The following JCHAIN variants were observed in gnomAD, a reference collection of about 807,000 sequenced individuals.
JCHAIN encodes joining chain of multimeric IgA and IgM.
In JCHAIN, 5 loss-of-function variants were observed where a neutral mutation model predicts 11.1. The ratio of observed to expected loss-of-function variants is 0.45; its 90% CI spans 0.24 to 0.95. The LOEUF (loss-of-function observed/expected upper bound fraction) is 0.95, where lower values mean the gene tolerates loss of function less well. JCHAIN is among the 40% of genes least tolerant of loss of function. JCHAIN has a pLI of 0.21. For missense variants in JCHAIN, 165 were observed against 192.7 expected (o/e 0.86, Z 0.85); for synonymous variants, 51 against 67.8 (o/e 0.75, Z 1.22).
intron 1 of JCHAIN, among the ~76,000 whole-genome samples, chr4:70,664,544 T>C (rs1356150592): frequency 2.6e-5 from 4 of 152,208 alleles, no homozygotes; most frequent in Non-Finnish European, 4.4e-5. Flanking sequence ...TTATAATGCA[T>C]TATTATACCA....
Position 70,657,429 on chromosome 4 carries a change from C to T in JCHAIN, c.189-138G>A, listed in dbSNP as rs188429495. ...CTCTATAAGCACTCTAGAGTAATACCGTTACTCAGATTTTTATAGTAACTT... is the reference window on the plus strand; with the variant it reads ...CTCTATAAGCACTCTAGAGTAATACTGTTACTCAGATTTTTATAGTAACTT... On this transcript the variant is annotated intron_variant, in intron 2 of 3. Transcript: ENST00000254801. 1.3e-3 allele frequency: 504 copies of T among 397,520 alleles called. 4 individuals carry two copies. The highest frequency in any genetic ancestry group is 9.1e-3 in the African/African-American group (443 of 48,778). The allele number at this position is 397,520 out of a possible 1,614,324, so 24.6% of individuals were successfully genotyped here.
chr4:70,659,577 A>AAAAAAAAAAAAC (rs1739016526), intron 2 of JCHAIN, among the ~76,000 whole-genome samples: 1 of 145,708 alleles, frequency 6.9e-6, no homozygotes, highest in African/African-American at 2.6e-5. Flanking sequence ...AAAAAAAAAA[A>AAAAAAAAAAAAC]AAAGCCAGGC....
At chr4:70,656,581 T>A (rs1738954713) in intron 3 of JCHAIN, 42 bp from the exon 4 acceptor site, 1 of 1,430,128 alleles carries the variant, frequency 7.0e-7, no homozygotes. Context: ...CCTCAAATGC[T>A]GTCTCAAAAT....
At chr4:70,657,338 A>T in intron 2 of JCHAIN, 47 bp from the exon 3 acceptor site, 1 of 1,230,656 alleles carries the variant, frequency 8.1e-7, no homozygotes, top group Non-Finnish European at 1.2e-6. Flanking sequence ...AAATGCAGAT[A>T]TTGTTATTTT....
At chr4:70,657,099 T>C in intron 3 of JCHAIN, 112 bp downstream of exon 3, 1 of 540,528 alleles carries the variant, frequency 1.9e-6, no homozygotes, top group South Asian at 3.2e-5. Flanking sequence ...CAGATTATGT[T>C]TGTAAATGTT....
At chr4:70,660,504 C>T (rs985154773) in intron 2 of JCHAIN, among the ~76,000 whole-genome samples, 53 of 151,910 alleles carry the variant, frequency 3.5e-4, no homozygotes, top group African/African-American at 1.2e-3. Flanking sequence ...CTGCTTCAGC[C>T]TCCCGAGTAG....
chr4:70,664,353 T>C (rs1739113408), intron 1 of JCHAIN, among the ~76,000 whole-genome samples: 1 of 152,004 alleles, frequency 6.6e-6, no homozygotes, highest in East Asian at 1.9e-4. Flanking sequence ...ACATTTAGTA[T>C]ACGAATTCAA....
rs538142804 is a variant in JCHAIN at position 70,663,382 on chromosome 4, G to C, written c.65-1167C>G. The C allele has an allele frequency of 2.0e-5, 3 of 151,972 alleles. No homozygotes were observed. The South Asian group carries it at 6.2e-4, about 32-fold the overall frequency. The allele number at this position is 151,972 out of a possible 1,614,324, so 9.4% of individuals were successfully genotyped here. A position where few individuals can be genotyped will look rare whatever the true frequency, so the allele number is the denominator to read the frequency against. On this transcript the variant is annotated intron_variant, in intron 1 of 3. Transcript: ENST00000254801. Reference sequence around the variant, plus strand: ...GATCTTTGTATTTTTTTTTAGCAGAGATGGAGTTTCACCATGTTGCCCAGG... The same window carrying C: ...GATCTTTGTATTTTTTTTTAGCAGACATGGAGTTTCACCATGTTGCCCAGG...
chr4:70,656,872 T>TA (rs536648909), intron 3 of JCHAIN, among the ~76,000 whole-genome samples: 84 of 152,270 alleles, frequency 5.5e-4, no homozygotes, highest in African/African-American at 1.8e-3. Context: ...GGAGAATTTT[T>TA]AAAAAAATTG....
At chr4:70,665,873 A>G in intron 1 of JCHAIN, 1 of 340,814 alleles carries the variant, frequency 2.9e-6, no homozygotes, top group South Asian at 2.3e-5. Flanking sequence ...TAAATTCAGA[A>G]TGTATTCCAT....
chr4:70,656,985 AT>A (rs1738962190), intron 3 of JCHAIN, among the ~76,000 whole-genome samples: 1 of 152,118 alleles, frequency 6.6e-6, no homozygotes. Flanking sequence ...AATGCCAATG[AT>A]TTTTTCTTTA....
chr4:70,657,781 G>A (rs1738976914), intron 2 of JCHAIN, among the ~76,000 whole-genome samples: 1 of 152,118 alleles, frequency 6.6e-6, no homozygotes, highest in South Asian at 2.1e-4. Context: ...TATGGAATAT[G>A]TTCAATATAT....
intron 2 of JCHAIN, among the ~76,000 whole-genome samples, chr4:70,660,895 T>A (rs1201979678): frequency 6.6e-6 from 1 of 152,210 alleles, no homozygotes; most frequent in African/African-American, 2.4e-5. Context: ...TTTTTTAATA[T>A]GTCCCAGAAA....
At chr4:70,656,787 C>T (rs899144512) in intron 3 of JCHAIN, among the ~76,000 whole-genome samples, 3 of 152,124 alleles carry the variant, frequency 2.0e-5, no homozygotes, top group Admixed American at 6.5e-5. Flanking sequence ...CTACACCATA[C>T]AGCAATTTCT....
rs1739155839 is a variant in JCHAIN at position 70,666,440 on chromosome 4, A to T, written c.51T>A (p.Ala17=). ...AATATCACATACCTTTCACATGAAC[A>T]GCCTTAATAAAAACCGCCAGGACTC... is the stretch of plus-strand genomic sequence containing the variant. ...FWGVLAVFIK[A]VHVKAQEDER... The change falls in exon 1 of 4, where the codon GCT becomes GCA. Residue 17 remains alanine, a synonymous_variant. Transcript: ENST00000254801. 6.2e-7 allele frequency: 1 copy of T among 1,609,846 alleles called. No individual in the cohort carries two copies.
intron 2 of JCHAIN, among the ~76,000 whole-genome samples, chr4:70,658,059 C>T (rs369565500): frequency 8.5e-5 from 13 of 152,148 alleles, no homozygotes; most frequent in African/African-American, 3.1e-4. Context: ...TGTTTCCTAA[C>T]TCAGTATTTA....
chr4:70,659,002 G>A (rs912648037), intron 2 of JCHAIN, among the ~76,000 whole-genome samples: 113 of 152,086 alleles, frequency 7.4e-4, no homozygotes, highest in Admixed American at 6.4e-3. Context: ...ATAAACATTC[G>A]TTGAATGAAT....
rs1738950380 is a variant in JCHAIN, at chr4:70,656,334, C to A, written c.475G>T (p.Asp159Tyr). The A allele has an allele frequency of 6.2e-7, 1 of 1,611,348 alleles. No individual in the cohort carries two copies. Among genetic ancestry groups the A allele is most frequent in the Non-Finnish European group, 8.5e-7 (1 of 1,177,870 alleles). ...GCAGTCAGCAATGACTTAAATTAGT[C>A]AGGATAGCAGGCATCTGGGGTTAAG... ...TALTPDACYP[D>Y] The change falls in exon 4 of 4, where the codon GAC becomes TAC. Residue 159 changes from aspartate to tyrosine, a missense_variant. Physicochemically the swap from Asp to Tyr is radical, Grantham distance 160. Coordinates refer to ENST00000254801, the MANE Select transcript of JCHAIN (RefSeq NM_144646.4).
chr4:70,656,272 G>A lies in JCHAIN; in HGVS notation c.*57C>T. The A allele has an allele frequency of 8.4e-7, 1 of 1,192,544 alleles. No individual in the cohort carries two copies. The highest frequency in any genetic ancestry group is 1.2e-6 in the Non-Finnish European group (1 of 816,712). 73.9% of individuals were successfully genotyped at this position (1,192,544 alleles called of 1,614,324 possible). ...TTGGTAATAAATATGCTAACTTTCT[G>A]AATCAAAATGGAGAGCCTCTCAAGA... On this transcript the variant is annotated 3_prime_UTR_variant, in exon 4 of 4. Coordinates refer to ENST00000254801, the MANE Select transcript of JCHAIN (RefSeq NM_144646.4).
Sources: allele counts gnomAD v4.1 joint callset (sites outside exome capture counted in the v4.1 genomes callset), GRCh38; gene constraint gnomAD v4.1.1; transcripts MANE v1.5; gene names NCBI Gene and HGNC (gene_info 2026-07-23, HGNC 2026-07-21).